Variants in ITPKB observed in about 807,000 individuals in gnomAD.
ITPKB encodes the protein inositol-trisphosphate 3-kinase B.
ITPKB carries 13 observed loss-of-function variants against 69.4 expected under a neutral mutation model. The ratio of observed to expected loss-of-function variants is 0.19; its 90% CI spans 0.12 to 0.30. The LOEUF is 0.30. ITPKB is among the 10% of genes least tolerant of loss of function. The pLI, the probability that ITPKB is intolerant of heterozygous loss-of-function variation, is 1.00. For synonymous variants in ITPKB, 584 were observed against 513.7 expected, an observed-to-expected ratio of 1.14 and a Z score of -1.85; for missense variants, 1,240 against 1,250.5, an observed-to-expected ratio of 0.99 and a Z score of 0.13.
At chr1:226,651,803 G>A (rs959731335) in intron 2 of ITPKB, among the ~76,000 whole-genome samples, 1 of 152,146 alleles carries the variant, frequency 6.6e-6, no homozygotes, top group Admixed American at 6.5e-5. Flanking sequence ...CCAGGGTGGG[G>A]GTCTTCTGAC....
chr1:226,720,769 C>A (rs1657216543), intron 2 of ITPKB, among the ~76,000 whole-genome samples: 1 of 151,810 alleles, frequency 6.6e-6, no homozygotes, highest in Admixed American at 6.6e-5. Context: ...TGGCCGGGCG[C>A]GGCCGGGCGT....
chr1:226,732,715 G>C (rs1248151893), intron 2 of ITPKB, among the ~76,000 whole-genome samples: 2 of 152,106 alleles, frequency 1.3e-5, no homozygotes, highest in Non-Finnish European at 2.9e-5. Flanking sequence ...ACAACCGCTG[G>C]TTAATTTTTA....
At chr1:226,671,630 T>G (rs1669620448) in intron 2 of ITPKB, among the ~76,000 whole-genome samples, 2 of 152,022 alleles carry the variant, frequency 1.3e-5, no homozygotes, top group South Asian at 4.1e-4. Context: ...TGAAGATAAA[T>G]AAAGCCAGGT....
intron 2 of ITPKB, among the ~76,000 whole-genome samples, chr1:226,677,811 T>C: frequency 6.6e-6 from 1 of 152,182 alleles, no homozygotes; most frequent in East Asian, 1.9e-4. Context: ...TCACAGGGCG[T>C]TCGCCTCCTG....
intron 2 of ITPKB, among the ~76,000 whole-genome samples, chr1:226,657,464 C>T (rs1056849686): frequency 6.6e-6 from 1 of 152,020 alleles, no homozygotes; most frequent in African/African-American, 2.4e-5. Flanking sequence ...TTTAGATAAT[C>T]GTAAAGAAAG....
At chr1:226,655,253 T>G (rs957012175) in intron 2 of ITPKB, among the ~76,000 whole-genome samples, 8 of 152,146 alleles carry the variant, frequency 5.3e-5, no homozygotes, top group Non-Finnish European at 1.0e-4. Flanking sequence ...AAATGAGGGG[T>G]CCCTTGTCCA....
chr1:226,673,901 G>A (rs918425388), intron 2 of ITPKB, among the ~76,000 whole-genome samples: 3 of 152,172 alleles, frequency 2.0e-5, no homozygotes, highest in African/African-American at 7.2e-5. Flanking sequence ...GACCTGCTCT[G>A]TTACTGTTCT....
chr1:226,640,755 G>A (rs1008387475), intron 5 of ITPKB, among the ~76,000 whole-genome samples: 1 of 152,158 alleles, frequency 6.6e-6, no homozygotes, highest in Non-Finnish European at 1.5e-5. Flanking sequence ...GCAAAAAAGA[G>A]GGAAGGGCTG....
chr1:226,633,022 G>C lies in ITPKB; in HGVS notation c.*1649C>G, dbSNP rs1007106007. The C allele has an allele frequency of 6.6e-6, 1 of 152,176 alleles. No homozygotes were observed. The highest frequency in any genetic ancestry group is 2.1e-4 in the South Asian group (1 of 4,834). The allele number at this position is 152,176 out of a possible 1,614,324, so 9.4% of individuals were successfully genotyped here. On this transcript the variant is annotated 3_prime_UTR_variant, in exon 8 of 8. Coordinates refer to ENST00000429204, the MANE Select transcript of ITPKB (RefSeq NM_002221.4). ...CGAGGTCTCTCGTGCTCCACCGGGC[G>C]CGTGTGTGACCTTTAGCAAGTCGGC...
At chr1:226,692,745 G>C (rs1205308297) in intron 2 of ITPKB, among the ~76,000 whole-genome samples, 2 of 152,132 alleles carry the variant, frequency 1.3e-5, no homozygotes. Context: ...TCACGCAGGG[G>C]ATTTATTCTT....
rs758490713 is a variant in ITPKB at position 226,735,732 on chromosome 1, G to A, written c.1727C>T (p.Thr576Ile). Residue 576 changes from threonine (T) to isoleucine (I), a missense_variant, in exon 2 of 8, where the codon ACC becomes ATC. Thr to Ile is a moderately conservative substitution (Grantham distance 89). Coordinates refer to ENST00000429204, the MANE Select transcript of ITPKB (RefSeq NM_002221.4). ...CTCCTCCAAGGCCCCATCCTCCTGG[G>A]TGCCCATGTCTGTAATGATGACAGC... ...IPAVIITDMGTQEDGALEETQ... is the reference protein window; with the variant it reads ...IPAVIITDMGIQEDGALEETQ... The A allele has an allele frequency of 2.5e-6, 4 of 1,587,618 alleles. No homozygotes were observed. The South Asian group carries it at 4.5e-5, about 18-fold the overall frequency.
At chr1:226,682,783 T>G (rs571551568) in intron 2 of ITPKB, among the ~76,000 whole-genome samples, 2 of 152,162 alleles carry the variant, frequency 1.3e-5, no homozygotes, top group African/African-American at 4.8e-5. Context: ...GAAAGTGGTA[T>G]AGGAGACAGG....
chr1:226,699,760 A>C (rs141340616), intron 2 of ITPKB, among the ~76,000 whole-genome samples: 44 of 152,356 alleles, frequency 2.9e-4, no homozygotes, highest in African/African-American at 8.2e-4. Flanking sequence ...AAAAGAAAGA[A>C]AGACAGACAA....
At position 226,736,201 on chromosome 1, in the gene ITPKB, A is replaced by G; in HGVS notation, c.1258T>C (p.Ser420Pro). Reference protein sequence around the residue: ...SWSRLPRALASVGPEEARSGA... With the variant: ...SWSRLPRALAPVGPEEARSGA... ...CTTCGGGCCTCCTCAGGGCCTACGG[A>G]GGCCAGGGCCCTGGGCAGCCTGGAC... Residue 420 changes from serine (S) to proline (P), a missense_variant, in exon 2 of 8, where the codon TCC becomes CCC. By Grantham distance (74) the Ser-to-Pro change is moderately conservative. Coordinates refer to ENST00000429204, the MANE Select transcript of ITPKB (RefSeq NM_002221.4). 1 of 1,535,094 alleles carries G rather than the reference A, an allele frequency of 6.5e-7. No homozygotes were observed.
rs1426665224 is a variant in ITPKB at position 226,727,812 on chromosome 1, C to A, written c.1932+7715G>T. Among the ~76,000 whole-genome samples, 3 of 152,274 alleles carry A rather than the reference C, an allele frequency of 2.0e-5. No individual in the cohort carries two copies. In the East Asian group the frequency reaches 5.8e-4, roughly 29 times the overall value. On this transcript the variant is annotated intron_variant, in intron 2 of 7. Transcript: ENST00000429204. ...GAGTTCTCCTTGGCCAAGGGCCGGCCGTTACCCTTCATCATTAATACGTAT... is the reference window on the plus strand; with the variant it reads ...GAGTTCTCCTTGGCCAAGGGCCGGCAGTTACCCTTCATCATTAATACGTAT...
In ITPKB at chr1:226,735,731, G is replaced by A; in HGVS notation, c.1728C>T (p.Thr576=). ...TCTCCTCCAAGGCCCCATCCTCCTGGGTGCCCATGTCTGTAATGATGACAG... is the reference window on the plus strand; with the variant it reads ...TCTCCTCCAAGGCCCCATCCTCCTGAGTGCCCATGTCTGTAATGATGACAG... ...IPAVIITDMG[T]QEDGALEETQ... is the part of the protein sequence containing the mutation. Residue 576 remains threonine (T), a synonymous_variant, in exon 2 of 8, where the codon ACC becomes ACT. Transcript: ENST00000429204. 3 of 1,586,630 alleles carry A rather than the reference G, an allele frequency of 1.9e-6. No homozygotes were observed. The highest frequency in any genetic ancestry group is 2.6e-6 in the Non-Finnish European group (3 of 1,162,834).
At chr1:226,703,023 A>G (rs976693468) in intron 2 of ITPKB, among the ~76,000 whole-genome samples, 4 of 152,226 alleles carry the variant, frequency 2.6e-5, no homozygotes, top group African/African-American at 9.6e-5. Flanking sequence ...TCTAAACCAA[A>G]TATGCCCTGT....
chr1:226,732,267 C>T (rs964190630), intron 2 of ITPKB, among the ~76,000 whole-genome samples: 7 of 152,236 alleles, frequency 4.6e-5, no homozygotes, highest in Middle Eastern at 3.4e-3. Flanking sequence ...GAAACGGAGT[C>T]TCACTCTGTA....
intron 2 of ITPKB, among the ~76,000 whole-genome samples, chr1:226,686,384 C>T (rs1164332813): frequency 6.6e-6 from 1 of 152,212 alleles, no homozygotes; most frequent in Non-Finnish European, 1.5e-5. Context: ...CCCTGGGGTT[C>T]ACTGAGATAC....
Sources: gnomAD v4.1 joint callset for allele counts (sites outside exome capture counted in the v4.1 genomes callset) on GRCh38, gnomAD v4.1.1 for gene constraint, MANE v1.5 for transcripts, NCBI Gene and HGNC (gene_info 2026-07-23, HGNC 2026-07-21) for gene names.